The following CELA3A variants were observed in gnomAD, a reference collection of about 807,000 sequenced individuals.
CELA3A encodes chymotrypsin like elastase 3A.
A neutral mutation model predicts 38.6 loss-of-function variants in CELA3A; 35 were observed. That is an observed-to-expected ratio of 0.91 (90% CI 0.69 to 1.20). CELA3A has a LOEUF of 1.20. Ranked by LOEUF, CELA3A falls within the 50% of genes most tolerant of loss-of-function variation. The pLI, the probability that CELA3A is intolerant of heterozygous loss-of-function variation, is 0.00. For missense variants in CELA3A, 343 were observed against 354.2 expected (o/e 0.97, Z 0.25); for synonymous variants, 143 against 136.7 (o/e 1.05, Z -0.32).
At chr1:22,010,546 G>A (rs1296090620) in intron 7 of CELA3A, 36 of 193,714 alleles carry the variant, frequency 1.9e-4, no homozygotes, top group South Asian at 9.5e-4. Flanking sequence ...AACCTGGGAG[G>A]TGGAGGTTGC....
chr1:22,009,884 G>T (rs1324781980), intron 7 of CELA3A, 27 bp downstream of exon 7: 1 of 1,598,522 alleles, frequency 6.3e-7, no homozygotes, highest in Non-Finnish European at 8.5e-7. Flanking sequence ...GGCCCGGAGG[G>T]CTTTAGGGTG....
At chr1:22,011,253 T>C (rs1359688718) in intron 7 of CELA3A, among the ~76,000 whole-genome samples, 2 of 149,060 alleles carry the variant, frequency 1.3e-5, no homozygotes, top group Non-Finnish European at 3.0e-5. Flanking sequence ...TATTGGTGCA[T>C]GCCTGTGGTC....
chr1:22,005,767 A>G lies in CELA3A; in HGVS notation c.333A>G (p.Pro111=). ...ACTCTGAGGAGCTGTTTGTGCATCC[A>G]CTCTGGAACCGCTCGTGTGTGGCCT... ...PINSEELFVH[P]LWNRSCVACG... The change falls in exon 4 of 8, where the codon CCA becomes CCG. Residue 111 remains proline, a synonymous_variant. Coordinates refer to ENST00000290122, the MANE Select transcript of CELA3A (RefSeq NM_005747.5). 1 of 1,611,244 alleles carries G rather than the reference A, an allele frequency of 6.2e-7. No individual in the cohort carries two copies. The highest frequency in any genetic ancestry group is 8.5e-7 in the Non-Finnish European group (1 of 1,179,332).
chr1:22,009,630 A>T (rs1644971250), intron 6 of CELA3A, 75 bp from the exon 7 acceptor site: 1 of 1,546,028 alleles, frequency 6.5e-7, no homozygotes, highest in Admixed American at 2.2e-5. Flanking sequence ...AGTTTCTTGA[A>T]ATCCCTAGAA....
At chr1:22,002,052 C>G (rs1644921830) in intron 1 of CELA3A, among the ~76,000 whole-genome samples, 1 of 151,114 alleles carries the variant, frequency 6.6e-6, no homozygotes, top group Non-Finnish European at 1.5e-5. Flanking sequence ...CAACTCTCCT[C>G]TCACTCCCCC....
intron 6 of CELA3A, among the ~76,000 whole-genome samples, chr1:22,009,223 G>A (rs1396834634): frequency 6.6e-6 from 1 of 151,448 alleles, no homozygotes. Context: ...AATTAGCCGG[G>A]CGTGGTAGTG....
At position 22,002,991 on chromosome 1, in the gene CELA3A, T is replaced by C; in HGVS notation, c.44-12T>C. On this transcript the variant is annotated splice_polypyrimidine_tract_variant and intron_variant, in intron 1 of 7. Coordinates refer to ENST00000290122, the MANE Select transcript of CELA3A (RefSeq NM_005747.5). ...CCCTCCAGCTGATTGACAGCTCTCC[T>C]CTCCCCTCTAGCCTCAGGCTATGGC... 6.3e-7 allele frequency: 1 copy of C among 1,578,814 alleles called. No individual in the cohort carries two copies. Among genetic ancestry groups the C allele is most frequent in the Non-Finnish European group, 8.6e-7 (1 of 1,165,608 alleles).
At chr1:22,008,730 A>T (rs576796938) in intron 6 of CELA3A, among the ~76,000 whole-genome samples, 2 of 150,152 alleles carry the variant, frequency 1.3e-5, no homozygotes, top group Non-Finnish European at 3.0e-5. Flanking sequence ...CTGCACTCCA[A>T]CCTGGGTGAC....
intron 1 of CELA3A, 115 bp from the exon 2 acceptor site, chr1:22,002,888 G>C (rs999714355): frequency 1.1e-6 from 1 of 938,146 alleles, no homozygotes; most frequent in African/African-American, 1.8e-5. Flanking sequence ...GAGGGCGAAA[G>C]GGGCTTGCAT....
intron 4 of CELA3A, among the ~76,000 whole-genome samples, chr1:22,006,223 A>C (rs1190344009): frequency 6.6e-6 from 1 of 151,150 alleles, no homozygotes; most frequent in Non-Finnish European, 1.5e-5. Context: ...TCTGGCATTA[A>C]CTCTGTGTAT....
intron 2 of CELA3A, among the ~76,000 whole-genome samples, chr1:22,005,029 G>T (rs1401109356): frequency 1.3e-5 from 2 of 150,692 alleles, no homozygotes; most frequent in African/African-American, 4.9e-5. Context: ...AACCCGGGAG[G>T]CGGAGGTTGA....
rs1644968911 is a variant in CELA3A at position 22,009,172 on chromosome 1, T to C, written c.643-533T>C. Among the ~76,000 whole-genome samples, 9 of 151,152 alleles carry C rather than the reference T, an allele frequency of 6.0e-5. No individual in the cohort carries two copies. The South Asian group carries it at 1.9e-3, about 31-fold the overall frequency. On this transcript the variant is annotated intron_variant, in intron 6 of 7. Coordinates refer to ENST00000290122, the MANE Select transcript of CELA3A (RefSeq NM_005747.5). ...CGTGGTCAGGAGATCGAGACCATCC[T>C]GGCTAACACGGTGAAACCCCGTCTC...
At chr1:22,006,787 C>T in intron 4 of CELA3A, 91 bp from the exon 5 acceptor site, 1 of 1,526,418 alleles carries the variant, frequency 6.6e-7, no homozygotes, top group Non-Finnish European at 8.8e-7. Context: ...GTTGGGGCAT[C>T]TCAGAGGTGG....
chr1:22,006,632 G>A (rs188495678), intron 4 of CELA3A, among the ~76,000 whole-genome samples: 13 of 150,322 alleles, frequency 8.6e-5, no homozygotes, highest in Non-Finnish European at 3.0e-5. Context: ...GTGAAAGCAG[G>A]AGGATCCCTT....
chr1:22,008,760 GAA>G (rs34410812), intron 6 of CELA3A, among the ~76,000 whole-genome samples: 20 of 145,520 alleles, frequency 1.4e-4, no homozygotes, highest in East Asian at 4.1e-4. Flanking sequence ...CGCTGACTCA[GAA>G]AAAAAAAAAA....
rs763377229 is a variant in CELA3A at position 22,005,821 on chromosome 1, C to A, written c.362+25C>A. The stretch of plus-strand genomic sequence containing the variant: ...GGTGAGTGAATGCTCCGGTCTGGAA[C>A]CCAGGGGCTCCTCTACTTGTCCCTC... On this transcript the variant is annotated intron_variant, in intron 4 of 7. Transcript: ENST00000290122. 6 of 1,609,624 alleles carry A rather than the reference C, an allele frequency of 3.7e-6. No homozygotes were observed. The Admixed American group carries it at 5.0e-5, about 13-fold the overall frequency.
chr1:22,009,602 G>A (rs1569875130), intron 6 of CELA3A, 103 bp from the exon 7 acceptor site: 1 of 1,414,166 alleles, frequency 7.1e-7, no homozygotes, highest in Non-Finnish European at 9.6e-7. Context: ...AAGGCTCAGA[G>A]GTGTCAAGTA....
chr1:22,007,149 A>G (rs1557873532), intron 5 of CELA3A, 135 bp downstream of exon 5: 10 of 1,432,682 alleles, frequency 7.0e-6, no homozygotes, highest in Non-Finnish European at 7.5e-6. Context: ...GCCTTCTTCC[A>G]TCAACCTCCA....
At chr1:22,002,756 A>G in intron 1 of CELA3A, 1 of 508,064 alleles carries the variant, frequency 2.0e-6, no homozygotes, top group Non-Finnish European at 3.6e-6. Flanking sequence ...AAGTGTATCA[A>G]GCTCTTCAAT....
Sources: allele counts gnomAD v4.1 joint callset (sites outside exome capture counted in the v4.1 genomes callset), GRCh38; gene constraint gnomAD v4.1.1; transcripts MANE v1.5; gene names NCBI Gene and HGNC (gene_info 2026-07-23, HGNC 2026-07-21).